Variants in BCL2 observed in about 807,000 individuals in gnomAD.
The protein encoded by BCL2 is BCL2 apoptosis regulator.
In BCL2, 1 loss-of-function variant was observed where a neutral mutation model predicts 14.2. That is an observed-to-expected ratio of 0.07 (90% confidence interval 0.02 to 0.33). BCL2 has a LOEUF of 0.33. BCL2 is among the 10% of genes least tolerant of loss of function. BCL2 has a pLI of 0.99. For synonymous variants in BCL2, 151 were observed against 137.2 expected (o/e 1.10, Z -0.70); for missense variants, 247 against 305.9 (o/e 0.81, Z 1.44).
intron 2 of BCL2, among the ~76,000 whole-genome samples, chr18:63,143,233 G>C (rs1443231343): frequency 3.3e-5 from 5 of 152,210 alleles, no homozygotes; most frequent in Non-Finnish European, 4.4e-5. Flanking sequence ...GACCCAGAAA[G>C]ACAAAGAGAA....
At chr18:63,196,673 G>A (rs1018238172) in intron 2 of BCL2, among the ~76,000 whole-genome samples, 1 of 152,126 alleles carries the variant, frequency 6.6e-6, no homozygotes. Flanking sequence ...AGAAAGAACC[G>A]TGCGGCCCTT....
rs1030219778 is a variant in BCL2 at position 63,145,397 on chromosome 18, G to C, written c.586-16638C>G. On this transcript the variant is annotated intron_variant, in intron 2 of 2. Coordinates refer to ENST00000333681, the MANE Select transcript of BCL2 (RefSeq NM_000633.3). Reference sequence around the variant, plus strand: ...GCCCCACTGCCCAAGAGATCCAGGGGGTGGGGGGGCTTCTCTGGGCCGCTC... The same window carrying C: ...GCCCCACTGCCCAAGAGATCCAGGGCGTGGGGGGGCTTCTCTGGGCCGCTC... Among the ~76,000 whole-genome samples the C allele has an allele frequency of 4.9e-5, 6 of 122,080 alleles. No individual in the cohort carries two copies. In the East Asian group the frequency reaches 8.3e-4, roughly 17 times the overall value. 80.1% of individuals were successfully genotyped at this position (122,080 alleles called of 152,430 possible).
intron 2 of BCL2, among the ~76,000 whole-genome samples, chr18:63,145,614 A>C (rs1381204006): frequency 6.6e-6 from 1 of 152,252 alleles, no homozygotes; most frequent in South Asian, 2.1e-4. Context: ...AGCTCTGCTC[A>C]CCAAGCATTT....
At chr18:63,319,110 T>C in intron 1 of BCL2, 64 bp downstream of exon 1, 1 of 1,009,922 alleles carries the variant, frequency 9.9e-7, no homozygotes, top group African/African-American at 1.7e-5. Flanking sequence ...GCACTTTAAG[T>C]AAAAAATCTC....
At chr18:63,166,810 C>CT (rs1915057576) in intron 2 of BCL2, among the ~76,000 whole-genome samples, 1 of 152,208 alleles carries the variant, frequency 6.6e-6, no homozygotes, top group Non-Finnish European at 1.5e-5. Flanking sequence ...ACAAGGGACA[C>CT]TATCGTCTTA....
At chr18:63,217,482 G>C (rs1333710002) in intron 2 of BCL2, among the ~76,000 whole-genome samples, 1 of 152,166 alleles carries the variant, frequency 6.6e-6, no homozygotes, top group African/African-American at 2.4e-5. Context: ...TCCTAACAGA[G>C]TTTCAGGATA....
chr18:63,302,234 G>A, intron 2 of BCL2: 3 of 629,558 alleles, frequency 4.8e-6, no homozygotes, highest in Non-Finnish European at 5.9e-6. Context: ...TCGGGAGGCT[G>A]AGGTTGCAGT....
rs533305935 is a variant in BCL2, at chr18:63,174,769, G to A, written c.586-46010C>T. Among the ~76,000 whole-genome samples the A allele has an allele frequency of 1.3e-3, 189 of 144,578 alleles. 1 individual carries two copies. Among genetic ancestry groups the A allele is most frequent in the African/African-American group, 4.6e-3 (178 of 38,476 alleles). 94.8% of individuals were successfully genotyped at this position (144,578 alleles called of 152,430 possible). On this transcript the variant is annotated intron_variant, in intron 2 of 2. Transcript: ENST00000333681. Reference sequence around the variant, plus strand: ...CAGGAGGCGGAAGTTGCAGGGAGTCGAGATCATGCCACTGCACTCCAGCAT... The same window carrying A: ...CAGGAGGCGGAAGTTGCAGGGAGTCAAGATCATGCCACTGCACTCCAGCAT...
chr18:63,313,513 C>T (rs1255176395), intron 2 of BCL2, among the ~76,000 whole-genome samples: 1 of 152,144 alleles, frequency 6.6e-6, no homozygotes, highest in Non-Finnish European at 1.5e-5. Flanking sequence ...TTGAACAGAA[C>T]CTTTGAATCT....
At chr18:63,161,726 C>T (rs887463072) in intron 2 of BCL2, 4 of 152,226 alleles carry the variant, frequency 2.6e-5, no homozygotes, top group Non-Finnish European at 5.9e-5. Context: ...CAAAAAGCCT[C>T]ACCTCCAAAT....
At chr18:63,162,177 C>A (rs1032691706) in intron 2 of BCL2, among the ~76,000 whole-genome samples, 24 of 152,090 alleles carry the variant, frequency 1.6e-4, no homozygotes, top group Non-Finnish European at 1.0e-4. Context: ...AGGCAAAAGG[C>A]CTAATATATT....
At chr18:63,240,324 T>C (rs1222719389) in intron 2 of BCL2, among the ~76,000 whole-genome samples, 4 of 128,878 alleles carry the variant, frequency 3.1e-5, no homozygotes, top group Non-Finnish European at 1.9e-5. Context: ...TATTTGAGGG[T>C]TTCCCCACAG....
chr18:63,289,768 C>T (rs1293035048), intron 2 of BCL2, among the ~76,000 whole-genome samples: 1 of 152,118 alleles, frequency 6.6e-6, no homozygotes, highest in African/African-American at 2.4e-5. Context: ...GTGGTGCATG[C>T]CTGTAATCCT....
At chr18:63,137,698 G>A (rs11874495) in intron 2 of BCL2, among the ~76,000 whole-genome samples, 63 of 152,250 alleles carry the variant, frequency 4.1e-4, no homozygotes, top group African/African-American at 1.5e-3. Flanking sequence ...CCACTCACAG[G>A]TGCTTGATTC....
chr18:63,226,157 G>A (rs1265942505), intron 2 of BCL2, among the ~76,000 whole-genome samples: 3 of 152,156 alleles, frequency 2.0e-5, no homozygotes, highest in Non-Finnish European at 4.4e-5. Context: ...CCGTCAAACT[G>A]TCCCTCTGAA....
chr18:63,171,631 A>G (rs1915223101), intron 2 of BCL2, among the ~76,000 whole-genome samples: 1 of 152,368 alleles, frequency 6.6e-6, no homozygotes, highest in South Asian at 2.1e-4. Flanking sequence ...TGAAACTTTG[A>G]AAGAAAGCTA....
At chr18:63,145,613 C>G (rs1914492289) in intron 2 of BCL2, among the ~76,000 whole-genome samples, 1 of 152,258 alleles carries the variant, frequency 6.6e-6, no homozygotes, top group South Asian at 2.1e-4. Context: ...TAGCTCTGCT[C>G]ACCAAGCATT....
chr18:63,196,197 T>C (rs1909440807), intron 2 of BCL2, among the ~76,000 whole-genome samples: 1 of 152,230 alleles, frequency 6.6e-6, no homozygotes, highest in South Asian at 2.1e-4. Flanking sequence ...GTTTTTTGTG[T>C]TCAATGAACC....
At chr18:63,201,611 CTG>C (rs1326230102) in intron 2 of BCL2, among the ~76,000 whole-genome samples, 1 of 152,112 alleles carries the variant, frequency 6.6e-6, no homozygotes, top group East Asian at 1.9e-4. Flanking sequence ...GATAAAGAAA[CTG>C]TGGCACATAT....
Sources: gnomAD v4.1 joint callset for allele counts (sites outside exome capture counted in the v4.1 genomes callset) on GRCh38, gnomAD v4.1.1 for gene constraint, MANE v1.5 for transcripts, NCBI Gene and HGNC (gene_info 2026-07-23, HGNC 2026-07-21) for gene names.